MSRA: variants seen among roughly 807,000 people sequenced by gnomAD.
The protein encoded by MSRA is mitochondrial peptide methionine sulfoxide reductase.
A neutral mutation model predicts 31.3 loss-of-function variants in MSRA; 54 were observed. That is an observed-to-expected ratio of 1.73 (90% CI 1.39 to 2.17). MSRA has a LOEUF of 2.17. Among genes scored for constraint, MSRA ranks in the 30% most tolerant of loss-of-function variants. The probability of loss-of-function intolerance (pLI) is 0.00; values close to 1 mark genes in which losing one functional copy is unlikely to be tolerated. For missense variants in MSRA, 507 were observed against 300.9 expected, an observed-to-expected ratio of 1.69 and a Z score of -5.07; for synonymous variants, 169 against 116.5, an observed-to-expected ratio of 1.45 and a Z score of -2.90.
At chr8:10,192,019 C>T (rs574291595) in intron 1 of MSRA, among the ~76,000 whole-genome samples, 1 of 152,240 alleles carries the variant, frequency 6.6e-6, no homozygotes, top group African/African-American at 2.4e-5. Context: ...TTCTGGGGCT[C>T]ATTCACAGGG....
At chr8:10,267,179 G>C (rs188791946) in intron 3 of MSRA, among the ~76,000 whole-genome samples, 45 of 152,252 alleles carry the variant, frequency 3.0e-4, no homozygotes, top group East Asian at 5.8e-4. Context: ...TAGTAATTAT[G>C]GTACTTTAGA....
chr8:10,374,556 A>C (rs1156818477), intron 5 of MSRA, among the ~76,000 whole-genome samples: 1 of 152,224 alleles, frequency 6.6e-6, no homozygotes, highest in South Asian at 2.1e-4. Flanking sequence ...CAGATAGTAC[A>C]TGACAAGTGA....
At chr8:10,345,899 C>A (rs1422554641) in intron 5 of MSRA, among the ~76,000 whole-genome samples, 3 of 152,214 alleles carry the variant, frequency 2.0e-5, no homozygotes, top group African/African-American at 7.2e-5. Context: ...AGTCTAACCA[C>A]TTGGCAACCT....
chr8:10,161,963 G>T (rs78806791), intron 1 of MSRA, among the ~76,000 whole-genome samples: 1,903 of 152,266 alleles, frequency 0.012, 40 homozygotes, highest in African/African-American at 0.042. Context: ...ATACAAGAGC[G>T]CACTGCATGG....
At chr8:10,074,058 CTTTT>C (rs534642712) in intron 1 of MSRA, among the ~76,000 whole-genome samples, 6 of 29,444 alleles carry the variant, frequency 2.0e-4, no homozygotes, top group Non-Finnish European at 2.4e-4. Context: ...AAGGGAGGTG[CTTTT>C]TTTTTTTTTT....
intron 2 of MSRA, among the ~76,000 whole-genome samples, chr8:10,232,028 A>C (rs1192672035): frequency 2.0e-5 from 3 of 152,256 alleles, no homozygotes; most frequent in African/African-American, 7.2e-5. Context: ...CTGTGACGGC[A>C]CTGGGGAAAG....
intron 1 of MSRA, among the ~76,000 whole-genome samples, chr8:10,132,725 C>T (rs558106001): frequency 6.6e-6 from 1 of 152,208 alleles, no homozygotes; most frequent in African/African-American, 2.4e-5. Flanking sequence ...TAATAAGATA[C>T]TAATTGCTGT....
intron 1 of MSRA, among the ~76,000 whole-genome samples, chr8:10,120,392 C>T (rs911918779): frequency 7.9e-5 from 12 of 152,108 alleles, no homozygotes; most frequent in Non-Finnish European, 1.8e-4. Flanking sequence ...GTAATTTGCC[C>T]ATCCGTGTCT....
chr8:10,183,770 A>AGCT (rs1162522362), intron 1 of MSRA, among the ~76,000 whole-genome samples: 3 of 131,028 alleles, frequency 2.3e-5, no homozygotes, highest in African/African-American at 9.4e-5. Context: ...TGACAAGCTG[A>AGCT]GCTGGTGGTG....
chr8:10,398,261 A>T (rs1037877738), intron 5 of MSRA, among the ~76,000 whole-genome samples: 2 of 152,218 alleles, frequency 1.3e-5, no homozygotes, highest in African/African-American at 4.8e-5. Flanking sequence ...CCATTCCATT[A>T]TCAGAGACAT....
At chr8:10,348,701 T>C (rs1018321291) in intron 5 of MSRA, among the ~76,000 whole-genome samples, 2 of 152,128 alleles carry the variant, frequency 1.3e-5, no homozygotes, top group African/African-American at 4.8e-5. Flanking sequence ...CAGTTCATAC[T>C]ACCAAGGCAT....
chr8:10,117,892 C>T (rs1352682763), intron 1 of MSRA, among the ~76,000 whole-genome samples: 1 of 152,174 alleles, frequency 6.6e-6, no homozygotes, highest in Admixed American at 6.5e-5. Flanking sequence ...GTCCCAACTT[C>T]CTTGCCCAAA....
intron 3 of MSRA, among the ~76,000 whole-genome samples, chr8:10,293,671 T>C (rs1426325412): frequency 6.6e-6 from 1 of 152,232 alleles, no homozygotes; most frequent in African/African-American, 2.4e-5. Context: ...TCAGCTGTAC[T>C]GCAGGTCTCC....
At chr8:10,353,784 T>C (rs371147296) in intron 5 of MSRA, 2 of 364,038 alleles carry the variant, frequency 5.5e-6, no homozygotes, top group African/African-American at 4.3e-5. Flanking sequence ...TTCTTTTGAA[T>C]CTCACACAAG....
At chr8:10,291,418 GA>G (rs11284328) in intron 3 of MSRA, among the ~76,000 whole-genome samples, 124,347 of 150,726 alleles carry the variant, frequency 0.82, 51,907 homozygotes, top group East Asian at 1. Flanking sequence ...TGAGACAAAA[GA>G]AAAAAAAAAG....
intron 3 of MSRA, among the ~76,000 whole-genome samples, chr8:10,289,064 G>A (rs568151945): frequency 6.6e-6 from 1 of 151,954 alleles, no homozygotes; most frequent in African/African-American, 2.4e-5. Context: ...TCGCCAGGCT[G>A]GAGTGCAGTG....
chr8:10,078,046 T>G (rs972540193), intron 1 of MSRA, among the ~76,000 whole-genome samples: 1 of 152,234 alleles, frequency 6.6e-6, no homozygotes, highest in African/African-American at 2.4e-5. Flanking sequence ...AGCAGTAGCA[T>G]AGGAAATTAA....
chr8:10,338,564 A>G (rs370921461), intron 5 of MSRA, among the ~76,000 whole-genome samples: 2 of 152,226 alleles, frequency 1.3e-5, no homozygotes, highest in African/African-American at 4.8e-5. Context: ...ATTATTCTAC[A>G]TTGTATGCAT....
chr8:10,283,489 CA>C (rs1799744869), intron 3 of MSRA, among the ~76,000 whole-genome samples: 1 of 151,922 alleles, frequency 6.6e-6, no homozygotes, highest in African/African-American at 2.4e-5. Flanking sequence ...TATTTGGTTA[CA>C]TGAGTGCATT....
Sources: allele counts gnomAD v4.1 joint callset (sites outside exome capture counted in the v4.1 genomes callset), GRCh38; gene constraint gnomAD v4.1.1; transcripts MANE v1.5; gene names NCBI Gene and HGNC (gene_info 2026-07-23, HGNC 2026-07-21).